SFTPD: variants seen among roughly 807,000 people sequenced by gnomAD.
The protein encoded by SFTPD is surfactant protein D.
SFTPD carries 18 observed loss-of-function variants against 34.6 expected under a neutral mutation model. The ratio of observed to expected loss-of-function variants is 0.52; its 90% CI spans 0.36 to 0.77. The LOEUF is 0.77. Ranked by LOEUF, SFTPD falls within the 30% of genes least tolerant of loss-of-function variation. The pLI, the probability that SFTPD is intolerant of heterozygous loss-of-function variation, is 0.00. For synonymous variants in SFTPD, 155 were observed against 180.9 expected (o/e 0.86, Z 1.15); for missense variants, 433 against 468.9 (o/e 0.92, Z 0.71).
chr10:79,957,726 G>A (rs190015172), intron 1 of SFTPD, among the ~76,000 whole-genome samples: 1 of 152,200 alleles, frequency 6.6e-6, no homozygotes, highest in African/African-American at 2.4e-5. Context: ...AAAACACTCT[G>A]CAGGATATTA....
intron 1 of SFTPD, among the ~76,000 whole-genome samples, chr10:79,974,273 T>A (rs1223209369): frequency 1.3e-5 from 2 of 152,144 alleles, no homozygotes. Flanking sequence ...GTTGACGCCA[T>A]TCTCCTGCCT....
intron 2 of SFTPD, among the ~76,000 whole-genome samples, chr10:79,944,404 G>A (rs1442973286): frequency 4.6e-5 from 7 of 152,276 alleles, no homozygotes; most frequent in African/African-American, 7.2e-5. Context: ...TAGGGTGGTC[G>A]GGGAGTGCCT....
At chr10:79,940,443 C>G (rs1025062596) in intron 7 of SFTPD, among the ~76,000 whole-genome samples, 1 of 152,178 alleles carries the variant, frequency 6.6e-6, no homozygotes, top group African/African-American at 2.4e-5. Context: ...CATCCTCCTC[C>G]TTTGCCCCCT....
chr10:79,976,273 T>C (rs148419615), intron 1 of SFTPD, among the ~76,000 whole-genome samples: 91 of 152,360 alleles, frequency 6.0e-4, no homozygotes, highest in African/African-American at 2.0e-3. Context: ...TAAATGGTGC[T>C]GAAAGCTGGA....
At chr10:79,947,892 G>A (rs944564051) in intron 1 of SFTPD, among the ~76,000 whole-genome samples, 10 of 152,198 alleles carry the variant, frequency 6.6e-5, no homozygotes, top group Non-Finnish European at 1.2e-4. Flanking sequence ...ATGAGAAACC[G>A]TAAAGTTATG....
chr10:79,955,552 C>A (rs183923328), intron 1 of SFTPD, among the ~76,000 whole-genome samples: 1 of 152,310 alleles, frequency 6.6e-6, no homozygotes, highest in Admixed American at 6.5e-5. Context: ...CCCCTCTCTC[C>A]ACCACAACCT....
At chr10:79,949,823 T>C (rs753977046), upstream of SFTPD, among the ~76,000 whole-genome samples, 5 of 151,666 alleles carry the variant, frequency 3.3e-5, no homozygotes, top group Non-Finnish European at 7.4e-5. Context: ...CCTGAGCTGA[T>C]GCTACTTTTA....
chr10:79,970,633 G>A (rs1466707048), intron 1 of SFTPD: 1 of 151,896 alleles, frequency 6.6e-6, no homozygotes, highest in Non-Finnish European at 1.5e-5. Context: ...TGTAGCTATT[G>A]AAATAGGATT....
intron 1 of SFTPD, among the ~76,000 whole-genome samples, chr10:79,956,364 T>C (rs534602544): frequency 1.1e-4 from 17 of 152,320 alleles, no homozygotes; most frequent in Admixed American, 2.0e-4. Context: ...ATTCCCTCAC[T>C]CAAGAGCACA....
chr10:79,959,698 C>A (rs1842761094), intron 1 of SFTPD, among the ~76,000 whole-genome samples: 1 of 152,134 alleles, frequency 6.6e-6, no homozygotes, highest in Non-Finnish European at 1.5e-5. Flanking sequence ...GGATTCACAG[C>A]CAAATTCTAC....
Position 79,937,956 on chromosome 10 carries a change from G to A in SFTPD, c.1024C>T (p.Pro342Ser). 6.2e-6 allele frequency: 10 copies of A among 1,613,228 alleles called. No individual in the cohort carries two copies. The highest frequency in any genetic ancestry group is 8.5e-6 in the Non-Finnish European group (10 of 1,179,370). Reference sequence around the variant, plus strand: ...TCCTCTGACCCGCCATCATCGTTGGGCTCCCCTGGGGCCCAGTTGGAATAG... The same window carrying A: ...TCCTCTGACCCGCCATCATCGTTGGACTCCCCTGGGGCCCAGTTGGAATAG... The part of the protein sequence containing the change: ...LVYSNWAPGE[P>S]NDDGGSEDCV... The change falls in exon 8 of 8, where the codon CCC becomes TCC. Residue 342 changes from proline to serine, a missense_variant. Coordinates refer to ENST00000372292, the MANE Select transcript of SFTPD (RefSeq NM_003019.5).
intron 1 of SFTPD, chr10:79,968,863 G>A (rs184663315): frequency 2.8e-4 from 42 of 151,832 alleles, no homozygotes; most frequent in African/African-American, 8.2e-4. Flanking sequence ...CATGATAGTC[G>A]TTCTGACTGG....
chr10:79,979,024 C>G (rs1174161527), intron 1 of SFTPD, among the ~76,000 whole-genome samples: 1 of 151,876 alleles, frequency 6.6e-6, no homozygotes, highest in Non-Finnish European at 1.5e-5. Flanking sequence ...AACCAAAGTG[C>G]AAAAATCGGT....
intron 1 of SFTPD, chr10:79,969,897 A>G (rs1354714362): frequency 6.6e-6 from 1 of 152,090 alleles, no homozygotes; most frequent in Non-Finnish European, 1.5e-5. Context: ...AAGTAATCAT[A>G]TTTGTCTATT....
chr10:79,941,304 C>T, intron 6 of SFTPD, 94 bp downstream of exon 6: 1 of 1,058,566 alleles, frequency 9.4e-7, no homozygotes, highest in Non-Finnish European at 1.4e-6. Context: ...ATGGGGCACA[C>T]ATCCCAGAGC....
chr10:79,940,345 C>G (rs1842598400), intron 7 of SFTPD, among the ~76,000 whole-genome samples: 1 of 152,226 alleles, frequency 6.6e-6, no homozygotes, highest in Non-Finnish European at 1.5e-5. Flanking sequence ...TCTCAGGGCA[C>G]AGGTGGCATT....
Position 79,942,855 on chromosome 10 carries a change from G to C in SFTPD, c.224C>G (p.Ala75Gly), listed in dbSNP as rs773677270. The part of the protein sequence containing the change: ...DPGLPGAAGQ[A>G]GMPGQAGPVG... ...TGGGCCAGCTTGTCCAGGCATCCCTGCTTGCCCTGCAGCTCCTGGCAAACC... is the reference window on the plus strand; with the variant it reads ...TGGGCCAGCTTGTCCAGGCATCCCTCCTTGCCCTGCAGCTCCTGGCAAACC... The change falls in exon 3 of 8, where the codon GCA becomes GGA. Residue 75 changes from alanine to glycine, a missense_variant. Ala to Gly is a moderately conservative substitution (Grantham distance 60). Transcript: ENST00000372292. 2.5e-6 allele frequency: 4 copies of C among 1,613,650 alleles called. No individual in the cohort carries two copies. The Admixed American group carries it at 5.0e-5, about 20-fold the overall frequency.
At chr10:79,979,808 C>G (rs1842881154) in intron 1 of SFTPD, among the ~76,000 whole-genome samples, 1 of 152,224 alleles carries the variant, frequency 6.6e-6, no homozygotes, top group South Asian at 2.1e-4. Flanking sequence ...AGTGAGATAT[C>G]ACCTGGAGTG....
At chr10:79,956,398 T>C (rs925482048) in intron 1 of SFTPD, among the ~76,000 whole-genome samples, 1 of 152,242 alleles carries the variant, frequency 6.6e-6, no homozygotes, top group South Asian at 2.1e-4. Flanking sequence ...TTCCCTTTCC[T>C]AGTCAAAGAA....
Sources: allele counts gnomAD v4.1 joint callset (sites outside exome capture counted in the v4.1 genomes callset), GRCh38; gene constraint gnomAD v4.1.1; transcripts MANE v1.5; gene names NCBI Gene and HGNC (gene_info 2026-07-23, HGNC 2026-07-21).